The following TAPT1 variants were observed in gnomAD, a reference collection of about 807,000 sequenced individuals.
The protein encoded by TAPT1 is transmembrane anterior posterior transformation 1.
TAPT1 carries 28 observed loss-of-function variants against 65.6 expected under a neutral mutation model. The observed-to-expected ratio is 0.43, with a 90% CI of 0.32 to 0.59. The LOEUF (loss-of-function observed/expected upper bound fraction) is 0.59. TAPT1 is among the 20% of genes least tolerant of loss of function. The pLI, the probability that TAPT1 is intolerant of heterozygous loss-of-function variation, is 0.09. For synonymous variants in TAPT1, 278 were observed against 245.2 expected (o/e 1.13, Z -1.25); for missense variants, 563 against 679.9 (o/e 0.83, Z 1.91).
intron 12 of TAPT1, among the ~76,000 whole-genome samples, chr4:16,168,358 C>G (rs1041967063): frequency 3.3e-5 from 5 of 152,190 alleles, no homozygotes; most frequent in African/African-American, 1.2e-4. Flanking sequence ...AATCCTCCCA[C>G]CCAGCCTGCC....
intron 12 of TAPT1, among the ~76,000 whole-genome samples, chr4:16,170,445 A>G (rs911464170): frequency 1.3e-5 from 2 of 152,270 alleles, no homozygotes; most frequent in Admixed American, 1.3e-4. Context: ...AAATTAAAAT[A>G]AAATCTAAAG....
chr4:16,172,717 TC>T (rs1748083438), intron 11 of TAPT1, among the ~76,000 whole-genome samples: 5 of 152,208 alleles, frequency 3.3e-5, no homozygotes, highest in Admixed American at 3.3e-4. Flanking sequence ...GGTATGACCT[TC>T]ACTTTCTTTA....
Position 16,174,712 on chromosome 4 carries a change from T to C in TAPT1, c.1125A>G (p.Arg375=). The C allele has an allele frequency of 6.3e-7, 1 of 1,590,926 alleles. No homozygotes were observed. Residue 375 remains arginine, a synonymous_variant, in exon 10 of 14, where the codon AGA becomes AGG. Transcript: ENST00000405303. ...TAACAAGGTCAAAAGCAAGACTGGC[T>C]CTATATTCACTGTAGACCTAAAAAC... ...DITADVYSEY[R]ASLAFDLVSS...
Position 16,173,775 on chromosome 4 carries a change from CTTAGGA to C in TAPT1, c.1236+423_1236+428del, listed in dbSNP as rs922216372. On this transcript the variant is annotated intron_variant, in intron 11 of 13. Coordinates refer to ENST00000405303, the MANE Select transcript of TAPT1 (RefSeq NM_153365.3). ...ATTGTGTGTCTTTTATAACTATTTCCTTAGGATAATTCCTAGAAATGAAATGACTGA... is the reference window on the plus strand; with the variant it reads ...ATTGTGTGTCTTTTATAACTATTTCCTAATTCCTAGAAATGAAATGACTGA... 9.9e-5 allele frequency among the ~76,000 whole-genome samples: 15 copies of C among 152,250 alleles called. No individual in the cohort carries two copies. In the East Asian group the frequency reaches 2.7e-3, roughly 27 times the overall value.
Position 16,161,165 on chromosome 4 carries a change from A to G in TAPT1, c.*2143T>C, listed in dbSNP as rs960768587. 3 of 152,666 alleles carry G rather than the reference A, an allele frequency of 2.0e-5. No homozygotes were observed. Among genetic ancestry groups the G allele is most frequent in the Non-Finnish European group, 2.9e-5 (2 of 68,038 alleles). 9.5% of individuals were successfully genotyped at this position (152,666 alleles called of 1,614,324 possible). A position where few individuals can be genotyped will look rare whatever the true frequency, so the allele number is the denominator to read the frequency against. On this transcript the variant is annotated 3_prime_UTR_variant, in exon 14 of 14. Coordinates refer to ENST00000405303, the MANE Select transcript of TAPT1 (RefSeq NM_153365.3). ...AAAATTAAACATTTTGCCACCATTA[A>G]GACCAAAGCAATAATTCAAATTAAG... is the stretch of plus-strand genomic sequence containing the variant.
In TAPT1 at chr4:16,163,158, T is replaced by C. The variant is rs1747362834; in HGVS notation, c.*150A>G. On this transcript the variant is annotated 3_prime_UTR_variant, in exon 14 of 14. Coordinates refer to ENST00000405303, the MANE Select transcript of TAPT1 (RefSeq NM_153365.3). ...GGTCTGACCCTCAGCCAGGCCATAT[T>C]ACTGGAAGAAAGATACTAAGATTTG... 3 of 683,048 alleles carry C rather than the reference T, an allele frequency of 4.4e-6. No homozygotes were observed. The highest frequency in any genetic ancestry group is 1.8e-5 in the African/African-American group (1 of 55,660). The allele number at this position is 683,048 out of a possible 1,614,324, so 42.3% of individuals were successfully genotyped here.
rs915517985 is a variant in TAPT1, at chr4:16,176,236, T to TAGAAAAAAG, written c.998-17_998-9dup. ...ACAACACCCAGAGATGATCTGTAAA[T>TAGAAAAAAG]AGAAAAAAGAAAAACAACGAAATAT... is the stretch of plus-strand genomic sequence containing the variant. On this transcript the variant is annotated splice_polypyrimidine_tract_variant and intron_variant, in intron 8 of 13. Transcript: ENST00000405303. The TAGAAAAAAG allele has an allele frequency of 2.0e-5, 29 of 1,459,188 alleles. No individual in the cohort carries two copies. The highest frequency in any genetic ancestry group is 2.7e-5 in the Non-Finnish European group (29 of 1,082,032). The allele number at this position is 1,459,188 out of a possible 1,614,324, so 90.4% of individuals were successfully genotyped here.
intron 4 of TAPT1, 146 bp from the exon 5 acceptor site, chr4:16,188,501 T>C: frequency 3.4e-6 from 2 of 595,940 alleles, no homozygotes; most frequent in South Asian, 6.6e-5. Context: ...CTTTGTTTAC[T>C]TATTCACTCA....
rs533846318 is a variant in TAPT1 at position 16,209,050 on chromosome 4, G to C, written c.330+4718C>G. On this transcript the variant is annotated intron_variant, in intron 2 of 13. Transcript: ENST00000405303. ...GGCTAATTTTTGTATTTTTTGTAGA[G>C]ACAGCGTTTTGCCACATTGCCTAGG... 8.5e-5 allele frequency among the ~76,000 whole-genome samples: 13 copies of C among 152,150 alleles called. No homozygotes were observed. The South Asian group carries it at 1.7e-3, about 19-fold the overall frequency.
chr4:16,162,509 T>C lies in TAPT1; in HGVS notation c.*799A>G, dbSNP rs1747321837. 1 of 152,866 alleles carries C rather than the reference T, an allele frequency of 6.5e-6. No individual in the cohort carries two copies. Among genetic ancestry groups the C allele is most frequent in the Admixed American group, 6.5e-5 (1 of 15,298 alleles). 9.5% of individuals were successfully genotyped at this position (152,866 alleles called of 1,614,324 possible). ...GTTTTAAAGCAAAATCAGTTAAGTATACCTTAAAGTTAACACTGCTCTGCT... is the reference window on the plus strand; with the variant it reads ...GTTTTAAAGCAAAATCAGTTAAGTACACCTTAAAGTTAACACTGCTCTGCT... On this transcript the variant is annotated 3_prime_UTR_variant, in exon 14 of 14. Coordinates refer to ENST00000405303, the MANE Select transcript of TAPT1 (RefSeq NM_153365.3).
Position 16,202,630 on chromosome 4 carries a change from T to C in TAPT1, c.331-50A>G. ...AAAAAAAAAAGTATTTTAAAAATAC[T>C]TGTAGATGAAAATTCCAAACAACCA... is the stretch of plus-strand genomic sequence containing the variant. On this transcript the variant is annotated intron_variant, in intron 2 of 13. Coordinates refer to ENST00000405303, the MANE Select transcript of TAPT1 (RefSeq NM_153365.3). 3 of 1,034,766 alleles carry C rather than the reference T, an allele frequency of 2.9e-6. No homozygotes were observed. The South Asian group carries it at 4.6e-5, about 16-fold the overall frequency. 64.1% of individuals were successfully genotyped at this position (1,034,766 alleles called of 1,614,324 possible).
intron 13 of TAPT1, among the ~76,000 whole-genome samples, chr4:16,165,232 C>T (rs1157026009): frequency 6.6e-6 from 1 of 152,166 alleles, no homozygotes; most frequent in African/African-American, 2.4e-5. Context: ...CTCTCTTCAG[C>T]ATCTCCTCTA....
At chr4:16,226,523 C>CCGCCT, upstream of TAPT1, 2 of 948,654 alleles carry the variant, frequency 2.1e-6, no homozygotes, top group Middle Eastern at 5.1e-4. Flanking sequence ...GGCCCCCTCC[C>CCGCCT]CGCCTCGCCC....
intron 3 of TAPT1, among the ~76,000 whole-genome samples, chr4:16,196,443 A>C (rs1749709961): frequency 6.6e-6 from 1 of 152,234 alleles, no homozygotes; most frequent in African/African-American, 2.4e-5. Context: ...GCGGATTTTC[A>C]TGTTAGGTGA....
chr4:16,223,793 T>G (rs1164212057), intron 1 of TAPT1, among the ~76,000 whole-genome samples: 1 of 152,036 alleles, frequency 6.6e-6, no homozygotes, highest in Non-Finnish European at 1.5e-5. Flanking sequence ...AAAATGAACC[T>G]CAGACACCAC....
chr4:16,226,938 T>A, upstream of TAPT1: 1 of 395,180 alleles, frequency 2.5e-6, no homozygotes, highest in Non-Finnish European at 4.9e-6. Flanking sequence ...TTTTGCAGAC[T>A]CGGTGCCCGG....
chr4:16,208,317 T>C (rs1013678818), intron 2 of TAPT1, among the ~76,000 whole-genome samples: 1 of 152,218 alleles, frequency 6.6e-6, no homozygotes, highest in Non-Finnish European at 1.5e-5. Flanking sequence ...CTCTGACGGA[T>C]GGCTAACCCA....
At chr4:16,179,312 T>A (rs1748561562) in intron 8 of TAPT1, 1 of 338,676 alleles carries the variant, frequency 3.0e-6, no homozygotes, top group African/African-American at 2.2e-5. Context: ...TATCTAAACA[T>A]GTCTAAACAC....
intron 4 of TAPT1, 87 bp from the exon 5 acceptor site, chr4:16,188,442 ATC>A (rs1468179324): frequency 1.8e-6 from 2 of 1,128,626 alleles, no homozygotes; most frequent in Non-Finnish European, 2.4e-6. Context: ...AATCCTGGAG[ATC>A]TGTGTTTTAA....
Sources: gnomAD v4.1 joint callset for allele counts (sites outside exome capture counted in the v4.1 genomes callset) on GRCh38, gnomAD v4.1.1 for gene constraint, MANE v1.5 for transcripts, NCBI Gene and HGNC (gene_info 2026-07-23, HGNC 2026-07-21) for gene names.